TRPC4AP: variants seen among roughly 807,000 people sequenced by gnomAD.
The protein encoded by TRPC4AP is transient receptor potential cation channel subfamily C member 4 associated protein, also known as short transient receptor potential channel 4-associated protein.
In TRPC4AP, 45 loss-of-function variants were observed where a neutral mutation model predicts 99.0. That is an observed-to-expected ratio of 0.45 (90% CI 0.36 to 0.58). The LOEUF is 0.58. TRPC4AP is among the 20% of genes least tolerant of loss of function. The pLI is 0.00. For synonymous variants in TRPC4AP, 408 were observed against 385.8 expected (o/e 1.06, Z -0.67); for missense variants, 879 against 985.3 (o/e 0.89, Z 1.44).
At chr20:35,043,659 A>G (rs2083492711) in intron 7 of TRPC4AP, among the ~76,000 whole-genome samples, 5 of 152,214 alleles carry the variant, frequency 3.3e-5, no homozygotes, top group Non-Finnish European at 7.3e-5. Flanking sequence ...TCTTATATAC[A>G]CACATAACTA....
At chr20:35,090,536 G>A (rs1333688745) in intron 1 of TRPC4AP, among the ~76,000 whole-genome samples, 1 of 151,962 alleles carries the variant, frequency 6.6e-6, no homozygotes, top group Non-Finnish European at 1.5e-5. Flanking sequence ...ACCACGCCCG[G>A]CTAATTTTTG....
At chr20:35,015,669 C>G (rs2082738162) in intron 10 of TRPC4AP, among the ~76,000 whole-genome samples, 1 of 150,394 alleles carries the variant, frequency 6.6e-6, no homozygotes, top group South Asian at 2.1e-4. Context: ...GTCTCTCACA[C>G]TAGTGAGACA....
At chr20:35,059,972 A>G (rs1028727248) in intron 3 of TRPC4AP, among the ~76,000 whole-genome samples, 2 of 152,106 alleles carry the variant, frequency 1.3e-5, no homozygotes, top group Non-Finnish European at 2.9e-5. Flanking sequence ...GAACAGCCCT[A>G]TAACAAGTAG....
At chr20:35,033,173 G>A (rs139313902) in intron 8 of TRPC4AP, among the ~76,000 whole-genome samples, 3 of 152,238 alleles carry the variant, frequency 2.0e-5, no homozygotes, top group East Asian at 1.9e-4. Flanking sequence ...CAACCTGGGC[G>A]ACAAGAGACT....
chr20:35,009,937 C>A (rs1569081278), intron 12 of TRPC4AP, among the ~76,000 whole-genome samples: 1 of 152,240 alleles, frequency 6.6e-6, no homozygotes, highest in East Asian at 1.9e-4. Flanking sequence ...TGGCAGGTGA[C>A]CTCTCTGAGG....
At position 35,002,405 on chromosome 20, in the gene TRPC4AP, C is replaced by T. The variant is rs571483235; in HGVS notation, c.*741G>A. The stretch of plus-strand genomic sequence containing the variant: ...GGACAAAAGCCAGGTCCACAGCAGT[C>T]ATTTTTAAAATAAAGTTATTTAATA... On this transcript the variant is annotated 3_prime_UTR_variant, in exon 19 of 19. Coordinates refer to ENST00000252015, the MANE Select transcript of TRPC4AP (RefSeq NM_015638.3). The T allele has an allele frequency of 3.0e-5, 13 of 428,666 alleles. No homozygotes were observed. The highest frequency in any genetic ancestry group is 1.4e-4 in the East Asian group (4 of 28,734). 26.6% of individuals were successfully genotyped at this position (428,666 alleles called of 1,614,324 possible). A position where few individuals can be genotyped will look rare whatever the true frequency, so the allele number is the denominator to read the frequency against.
chr20:35,061,409 A>C (rs1487166984), intron 3 of TRPC4AP, among the ~76,000 whole-genome samples: 1 of 152,234 alleles, frequency 6.6e-6, no homozygotes, highest in Non-Finnish European at 1.5e-5. Flanking sequence ...AATACTCCCT[A>C]AATTGACCTA....
chr20:35,003,370 C>T (rs768329632), intron 18 of TRPC4AP, 40 bp downstream of exon 18: 15 of 1,594,084 alleles, frequency 9.4e-6, no homozygotes, highest in African/African-American at 4.3e-5. Flanking sequence ...GCCCTGGGTC[C>T]GCGGCCCACC....
At chr20:35,042,962 T>A (rs1177011677) in intron 7 of TRPC4AP, among the ~76,000 whole-genome samples, 2 of 152,242 alleles carry the variant, frequency 1.3e-5, no homozygotes, top group African/African-American at 2.4e-5. Flanking sequence ...ATGTTTCTTG[T>A]GTACCCTTTG....
At chr20:35,079,854 T>C (rs1277891441) in intron 1 of TRPC4AP, among the ~76,000 whole-genome samples, 2 of 90,306 alleles carry the variant, frequency 2.2e-5, no homozygotes, top group African/African-American at 6.5e-5. Context: ...TCGCCTCTAC[T>C]AAAAATAAAA....
intron 1 of TRPC4AP, among the ~76,000 whole-genome samples, chr20:35,086,805 T>G (rs2084896220): frequency 6.6e-6 from 1 of 151,718 alleles, no homozygotes; most frequent in East Asian, 1.9e-4. Flanking sequence ...GAGGCTGAGG[T>G]GGGTGGATCA....
intron 7 of TRPC4AP, among the ~76,000 whole-genome samples, chr20:35,039,614 C>T (rs902326784): frequency 2.6e-5 from 4 of 152,174 alleles, no homozygotes; most frequent in Admixed American, 2.6e-4. Context: ...CCCCATACTC[C>T]TGTAGTTTCC....
At chr20:35,030,326 G>T (rs2083157362) in intron 8 of TRPC4AP, 2 of 151,190 alleles carry the variant, frequency 1.3e-5, no homozygotes, top group Admixed American at 6.6e-5. Context: ...AATAAATATG[G>T]AATGCATCAG....
intron 7 of TRPC4AP, among the ~76,000 whole-genome samples, chr20:35,041,509 T>C (rs1449336930): frequency 6.6e-6 from 1 of 151,964 alleles, no homozygotes; most frequent in East Asian, 1.9e-4. Context: ...GATATGAAAG[T>C]GAATCTAGAT....
intron 8 of TRPC4AP, among the ~76,000 whole-genome samples, chr20:35,025,632 T>C (rs1364052162): frequency 6.6e-6 from 1 of 152,194 alleles, no homozygotes; most frequent in East Asian, 1.9e-4. Context: ...GAGAGTTCTT[T>C]ATACATTCTA....
chr20:35,059,097 G>GA (rs1251567285), intron 3 of TRPC4AP, among the ~76,000 whole-genome samples: 6 of 152,218 alleles, frequency 3.9e-5, no homozygotes, highest in African/African-American at 1.4e-4. Context: ...TGAAACAAAT[G>GA]AAACAGAGAA....
intron 1 of TRPC4AP, among the ~76,000 whole-genome samples, chr20:35,084,494 ATC>A (rs1216756024): frequency 5.3e-5 from 3 of 56,654 alleles, no homozygotes; most frequent in East Asian, 1.1e-3. Context: ...ATATGTATAT[ATC>A]TATATATGTA....
At chr20:35,033,105 A>C (rs2147331514) in intron 8 of TRPC4AP, among the ~76,000 whole-genome samples, 1 of 152,142 alleles carries the variant, frequency 6.6e-6, no homozygotes, top group Middle Eastern at 3.4e-3. Context: ...GCTGAGAGAG[A>C]ACTGCTTGAA....
chr20:35,060,906 T>C (rs953767921), intron 3 of TRPC4AP, among the ~76,000 whole-genome samples: 3 of 152,264 alleles, frequency 2.0e-5, no homozygotes, highest in South Asian at 4.1e-4. Flanking sequence ...GAAGACTAAA[T>C]GCTTTCCCAT....
Sources: gnomAD v4.1 joint callset for allele counts (sites outside exome capture counted in the v4.1 genomes callset) on GRCh38, gnomAD v4.1.1 for gene constraint, MANE v1.5 for transcripts, NCBI Gene and HGNC (gene_info 2026-07-23, HGNC 2026-07-21) for gene names.